The following CDC40 variants were observed in gnomAD, a reference collection of about 807,000 sequenced individuals.
CDC40 encodes pre-mRNA-processing factor 17.
In CDC40, 27 loss-of-function variants were observed where a neutral mutation model predicts 80.6. The ratio of observed to expected loss-of-function variants is 0.33; its 90% CI spans 0.25 to 0.46. The LOEUF is 0.46. CDC40 is among the 20% of genes least tolerant of loss of function. The pLI, the probability that CDC40 is intolerant of heterozygous loss-of-function variation, is 1.00. For missense variants in CDC40, 486 were observed against 694.1 expected, an observed-to-expected ratio of 0.70 and a Z score of 3.37; for synonymous variants, 221 against 232.6, an observed-to-expected ratio of 0.95 and a Z score of 0.45.
chr6:110,207,113 A>G (rs895602821), intron 3 of CDC40, among the ~76,000 whole-genome samples: 6 of 152,134 alleles, frequency 3.9e-5, no homozygotes, highest in Non-Finnish European at 4.4e-5. Context: ...CAGGAGTTCA[A>G]GATCAGCTTG....
chr6:110,198,685 ATTG>A (rs2114655318), intron 2 of CDC40, among the ~76,000 whole-genome samples: 1 of 152,244 alleles, frequency 6.6e-6, no homozygotes, highest in East Asian at 1.9e-4. Context: ...AATTTACTAT[ATTG>A]TTCTTCATTA....
intron 6 of CDC40, 77 bp downstream of exon 6, chr6:110,210,880 A>G (rs1777629364): frequency 1.0e-5 from 6 of 588,094 alleles, no homozygotes; most frequent in South Asian, 3.4e-5. Flanking sequence ...TACAATATCA[A>G]TTACCCTTAC....
At chr6:110,212,964 G>T (rs187974975) in intron 7 of CDC40, 122 bp from the exon 8 acceptor site, 98 of 739,304 alleles carry the variant, frequency 1.3e-4, no homozygotes, top group African/African-American at 1.3e-3. Flanking sequence ...TCTGGGGTGA[G>T]ATTTTTGGAA....
At chr6:110,184,436 TAC>T (rs1777239567) in intron 1 of CDC40, among the ~76,000 whole-genome samples, 1 of 151,822 alleles carries the variant, frequency 6.6e-6, no homozygotes, top group Non-Finnish European at 1.5e-5. Flanking sequence ...CAAAATCTTG[TAC>T]AGTTTTATTG....
chr6:110,189,086 A>G (rs1777312477), intron 1 of CDC40, among the ~76,000 whole-genome samples: 1 of 152,158 alleles, frequency 6.6e-6, no homozygotes, highest in Non-Finnish European at 1.5e-5. Context: ...GATCTCTTTA[A>G]CATTGTTCAT....
At chr6:110,222,823 T>C (rs967144895) in intron 12 of CDC40, among the ~76,000 whole-genome samples, 8 of 152,230 alleles carry the variant, frequency 5.3e-5, no homozygotes, top group African/African-American at 1.7e-4. Context: ...ACAATAGTGC[T>C]GAATCTGTAA....
chr6:110,209,063 A>G, intron 4 of CDC40, 21 bp from the exon 5 acceptor site: 1 of 1,247,398 alleles, frequency 8.0e-7, no homozygotes, highest in Non-Finnish European at 1.1e-6. Context: ...TTTTTTTTTA[A>G]TTTTTTTTTT....
At position 110,225,403 on chromosome 6, in the gene CDC40, G is replaced by A. The variant is rs150062370; in HGVS notation, c.1341-764G>A. On this transcript the variant is annotated intron_variant, in intron 12 of 14. Coordinates refer to ENST00000307731, the MANE Select transcript of CDC40 (RefSeq NM_015891.3). ...GAACTTTTGATGGTTCTAAATTTAG[G>A]TGGCTACTTTTTAATTTTTTTTTCA... Among the ~76,000 whole-genome samples, 429 of 151,220 alleles carry A rather than the reference G, an allele frequency of 2.8e-3. 2 individuals are homozygous for A. The highest frequency in any genetic ancestry group is 0.01 in the African/African-American group (416 of 41,228).
intron 3 of CDC40, among the ~76,000 whole-genome samples, chr6:110,203,014 A>G (rs1777512868): frequency 6.6e-6 from 1 of 152,166 alleles, no homozygotes; most frequent in South Asian, 2.1e-4. Context: ...AAACTAAGAA[A>G]ATTTTGGTTT....
chr6:110,197,534 C>A (rs1389212826), intron 2 of CDC40, among the ~76,000 whole-genome samples: 3 of 152,088 alleles, frequency 2.0e-5, no homozygotes, highest in Admixed American at 6.5e-5. Flanking sequence ...ACTTATTCCT[C>A]CTAATTGAAA....
intron 12 of CDC40, among the ~76,000 whole-genome samples, chr6:110,225,309 A>G (rs766413490): frequency 7.9e-5 from 12 of 152,238 alleles, no homozygotes; most frequent in Non-Finnish European, 1.8e-4. Context: ...CATGAAAAGC[A>G]ACAAGACGAA....
intron 3 of CDC40, among the ~76,000 whole-genome samples, chr6:110,207,297 A>G (rs1276360552): frequency 6.9e-6 from 1 of 144,350 alleles, no homozygotes; most frequent in East Asian, 2.1e-4. Context: ...CCTGGGTGAC[A>G]GGGTGAGACC....
chr6:110,211,251 T>G (rs1264217043), intron 6 of CDC40: 1 of 152,190 alleles, frequency 6.6e-6, no homozygotes, highest in Admixed American at 6.5e-5. Flanking sequence ...AAGATGGAGC[T>G]TAAGGCTCTC....
intron 13 of CDC40, among the ~76,000 whole-genome samples, chr6:110,227,047 T>C (rs1777873025): frequency 6.6e-6 from 1 of 152,112 alleles, no homozygotes. Context: ...CTGTAAACTC[T>C]TTCAGGGGAT....
rs1223627614 is a variant in CDC40, at chr6:110,231,980, T to C, written c.*1849T>C. 1 of 146,592 alleles carries C rather than the reference T, an allele frequency of 6.8e-6. No individual in the cohort carries two copies. Among genetic ancestry groups the C allele is most frequent in the South Asian group, 2.3e-4 (1 of 4,336 alleles). The allele number at this position is 146,592 out of a possible 1,614,324, so 9.1% of individuals were successfully genotyped here. A position where few individuals can be genotyped will look rare whatever the true frequency, so the allele number is the denominator to read the frequency against. On this transcript the variant is annotated 3_prime_UTR_variant, in exon 15 of 15. Transcript: ENST00000307731. The stretch of plus-strand genomic sequence containing the variant: ...TTCTGAAGGGGAAAGGATTCAGATA[T>C]GACCTTTTCTTTAGTCCCAACCACT...
At chr6:110,181,443 T>C (rs932018076) in intron 1 of CDC40, among the ~76,000 whole-genome samples, 2 of 151,960 alleles carry the variant, frequency 1.3e-5, no homozygotes, top group Non-Finnish European at 2.9e-5. Context: ...CCGAGGTAGG[T>C]GATCAGCTCA....
intron 13 of CDC40, 129 bp downstream of exon 13, chr6:110,226,372 A>G (rs1337089645): frequency 2.0e-6 from 1 of 490,832 alleles, no homozygotes; most frequent in Non-Finnish European, 3.6e-6. Flanking sequence ...GTATAAGGTA[A>G]TCTTTACAAT....
At chr6:110,226,982 T>C (rs1178715710) in intron 13 of CDC40, among the ~76,000 whole-genome samples, 1 of 151,992 alleles carries the variant, frequency 6.6e-6, no homozygotes, top group African/African-American at 2.4e-5. Flanking sequence ...TACTCCAGCC[T>C]GGGCAACAGA....
chr6:110,196,919 A>G (rs914780773), intron 2 of CDC40, among the ~76,000 whole-genome samples: 2 of 152,190 alleles, frequency 1.3e-5, no homozygotes, highest in Admixed American at 1.3e-4. Context: ...TGAATGAAAA[A>G]TGTACCAACA....
Sources: gnomAD v4.1 joint callset for allele counts (sites outside exome capture counted in the v4.1 genomes callset) on GRCh38, gnomAD v4.1.1 for gene constraint, MANE v1.5 for transcripts, NCBI Gene and HGNC (gene_info 2026-07-23, HGNC 2026-07-21) for gene names.